ZNF432: variants seen among roughly 807,000 people sequenced by gnomAD.
The protein encoded by ZNF432 is zinc finger protein 432.
A neutral mutation model predicts 13.9 loss-of-function variants in ZNF432; 10 were observed. That is an observed-to-expected ratio of 0.72 (90% CI 0.44 to 1.22). The LOEUF is 1.22. Ranked by LOEUF, ZNF432 falls within the 50% of genes most tolerant of loss-of-function variation. ZNF432 has a pLI of 0.00. For synonymous variants in ZNF432, 247 were observed against 256.2 expected (o/e 0.96, Z 0.34); for missense variants, 793 against 796.2 (o/e 1.00, Z 0.05).
intron 4 of ZNF432, among the ~76,000 whole-genome samples, chr19:52,037,591 G>A (rs931324336): frequency 3.9e-5 from 6 of 152,120 alleles, no homozygotes; most frequent in African/African-American, 1.4e-4. Context: ...GAGCTCTGGA[G>A]TTCCAGACCA....
rs1253616801 is a variant in ZNF432 at position 52,033,857 on chromosome 19, T to C, written c.1822A>G (p.Met608Val). ...TGATGAACAATTAGACGGCTCTTCA[T>C]AGTGAAGCCTTTACCACATTCATTA... is the stretch of plus-strand genomic sequence containing the variant. ...GCNECGKGFT[M>V]KSRLIVHQRT... The change falls in exon 5 of 5, where the codon ATG (methionine) becomes GTG (valine). Residue 608 changes from methionine to valine, a missense_variant. By Grantham distance (21) the Met-to-Val change is conservative. Coordinates refer to ENST00000221315, the MANE Select transcript of ZNF432 (RefSeq NM_014650.4). 1 of 1,614,030 alleles carries C rather than the reference T, an allele frequency of 6.2e-7. No homozygotes were observed. The highest frequency in any genetic ancestry group is 8.5e-7 in the Non-Finnish European group (1 of 1,179,986).
At chr19:52,043,639 T>G (rs1226319914) in intron 2 of ZNF432, among the ~76,000 whole-genome samples, 1 of 152,030 alleles carries the variant, frequency 6.6e-6, no homozygotes, top group Non-Finnish European at 1.5e-5. Flanking sequence ...CTCCTGCCCG[T>G]CCCTGGGCAA....
intron 2 of ZNF432, among the ~76,000 whole-genome samples, chr19:52,044,151 G>A (rs779626501): frequency 6.6e-6 from 1 of 151,944 alleles, no homozygotes; most frequent in Non-Finnish European, 1.5e-5. Context: ...TTAATACACA[G>A]AGAAAAGAAC....
In ZNF432 at chr19:52,044,678, G is replaced by A. The variant is rs1463535322; in HGVS notation, c.15+2176C>T. ...TGCAAAATAAGACAAAAGAATATTGGATCATTGAAAATTGTATAATTTGAT... is the reference window on the plus strand; with the variant it reads ...TGCAAAATAAGACAAAAGAATATTGAATCATTGAAAATTGTATAATTTGAT... On this transcript the variant is annotated intron_variant, in intron 2 of 4. Transcript: ENST00000221315. Among the ~76,000 whole-genome samples the A allele has an allele frequency of 2.0e-5, 3 of 152,172 alleles. No homozygotes were observed. The East Asian group carries it at 5.8e-4, about 29-fold the overall frequency.
Position 52,048,768 on chromosome 19 carries a change from C to T in ZNF432, c.-266G>A, listed in dbSNP as rs3752120. ...CCCTAAACTTCTTCCACTTCTGGGC[C>T]CCTCGCCCAACTCCCTCCCCCTCTA... On this transcript the variant is annotated 5_prime_UTR_variant, in exon 1 of 5. Transcript: ENST00000221315. The T allele has an allele frequency of 0.15, 22,424 of 152,718 alleles. 2,181 individuals are homozygous for T. Among genetic ancestry groups the T allele is most frequent in the East Asian group, 0.38 (1,948 of 5,160 alleles). The allele number at this position is 152,718 out of a possible 1,614,324, so 9.5% of individuals were successfully genotyped here. A position where few individuals can be genotyped will look rare whatever the true frequency, so the allele number is the denominator to read the frequency against.
intron 1 of ZNF432, 44 bp from the exon 2 acceptor site, chr19:52,047,104 G>T: frequency 2.2e-6 from 1 of 449,106 alleles, no homozygotes; most frequent in Non-Finnish European, 4.0e-6. Context: ...ACCTTAACAC[G>T]TGGCCCTGAA....
rs779126125 is a variant in ZNF432 at position 52,034,995 on chromosome 19, T to C, written c.684A>G (p.Thr228=). The C allele has an allele frequency of 3.1e-6, 5 of 1,614,070 alleles. No homozygotes were observed. The highest frequency in any genetic ancestry group is 3.4e-6 in the Non-Finnish European group (4 of 1,179,992). Residue 228 remains threonine (T), a synonymous_variant, in exon 5 of 5, where the codon ACA becomes ACG. Coordinates refer to ENST00000221315, the MANE Select transcript of ZNF432 (RefSeq NM_014650.4). ...SQLTDHERVH[T]GEKPYGCTLC... ...AAGTACATCCATAAGGTTTTTCTCC[T>C]GTATGAACTCTCTCATGATCAGTGA...
In ZNF432 at chr19:52,035,317, CA is replaced by C. The variant is rs2087069017; in HGVS notation, c.361del (p.Cys121ValfsTer14). On this transcript the variant is annotated frameshift_variant, in exon 5 of 5. Coordinates refer to ENST00000221315, the MANE Select transcript of ZNF432 (RefSeq NM_014650.4). LOFTEE classifies it low-confidence loss of function (END_TRUNC). ...GNTASQTKSL[C>X]LFRENHDTFE... is the part of the protein sequence containing the mutation. The stretch of plus-strand genomic sequence containing the variant: ...TGTATCATGATTTTCCCTGAAAAGA[CA>C]AAGGCTTTTGGTTTGAGAGGCAGTA... 2 of 1,612,570 alleles carry C rather than the reference CA, an allele frequency of 1.2e-6. No homozygotes were observed. The highest frequency in any genetic ancestry group is 1.7e-5 in the Admixed American group (1 of 59,712).
intron 4 of ZNF432, among the ~76,000 whole-genome samples, chr19:52,037,065 C>T (rs11673286): frequency 0.15 from 22,436 of 152,142 alleles, 2,188 homozygotes; most frequent in East Asian, 0.38. Flanking sequence ...ATTATTTAAG[C>T]CCTGTTAGAG....
At chr19:52,036,875 T>A (rs1278159406) in intron 4 of ZNF432, among the ~76,000 whole-genome samples, 2 of 152,190 alleles carry the variant, frequency 1.3e-5, no homozygotes, top group Non-Finnish European at 2.9e-5. Context: ...CTTGCCATAT[T>A]GCCCAAGCTG....
chr19:52,035,321 G>A lies in ZNF432; in HGVS notation c.358C>T (p.Leu120Phe), dbSNP rs1184157344. The A allele has an allele frequency of 6.2e-7, 1 of 1,612,586 alleles. No homozygotes were observed. Among genetic ancestry groups the A allele is most frequent in the East Asian group, 2.2e-5 (1 of 44,816 alleles). ...FGNTASQTKS[L>F]CLFRENHDTF... ...TCATGATTTTCCCTGAAAAGACAAA[G>A]GCTTTTGGTTTGAGAGGCAGTATTT... is the stretch of plus-strand genomic sequence containing the variant. The change falls in exon 5 of 5, where the codon CTT becomes TTT. Residue 120 changes from leucine (L) to phenylalanine (F), a missense_variant. Coordinates refer to ENST00000221315, the MANE Select transcript of ZNF432 (RefSeq NM_014650.4).
intron 4 of ZNF432, among the ~76,000 whole-genome samples, chr19:52,037,719 G>C (rs964917192): frequency 1.3e-5 from 2 of 150,854 alleles, no homozygotes; most frequent in African/African-American, 4.9e-5. Context: ...GAGCCCAGGA[G>C]GTTGAGGCTG....
In ZNF432 at chr19:52,034,069, CCAGTAT is replaced by C; in HGVS notation, c.1604_1609del (p.His535_Gly537delinsArg). 4 of 1,614,140 alleles carry C rather than the reference CCAGTAT, an allele frequency of 2.5e-6. No homozygotes were observed. In the South Asian group the frequency reaches 4.4e-5, roughly 18 times the overall value. ...TTCACTGCACATAAAGGGTTTCTCTCCAGTATGAGTTCGCTGGTGTACAACAAGATT... is the reference window on the plus strand; with the variant it reads ...TTCACTGCACATAAAGGGTTTCTCTCGAGTTCGCTGGTGTACAACAAGATT... On this transcript the variant is annotated inframe_deletion, in exon 5 of 5. Transcript: ENST00000221315.
Position 52,041,610 on chromosome 19 carries a change from T to G in ZNF432, c.16-4A>C. ...CATCCTCCAGTGTCAGCAATTCCTG[T>G]AAGAAAACAGAGCCTTGCTTAATAG... On this transcript the variant is annotated splice_region_variant and splice_polypyrimidine_tract_variant and intron_variant, in intron 2 of 4. Coordinates refer to ENST00000221315, the MANE Select transcript of ZNF432 (RefSeq NM_014650.4). 2 of 1,614,096 alleles carry G rather than the reference T, an allele frequency of 1.2e-6. No homozygotes were observed. Among genetic ancestry groups the G allele is most frequent in the African/African-American group, 1.3e-5 (1 of 75,028 alleles).
At chr19:52,046,259 C>G (rs2087182060) in intron 2 of ZNF432, among the ~76,000 whole-genome samples, 1 of 152,042 alleles carries the variant, frequency 6.6e-6, no homozygotes. Flanking sequence ...GGAAGCTATG[C>G]ACACCTTCCA....
chr19:52,040,939 CAA>C (rs137978203), intron 3 of ZNF432, among the ~76,000 whole-genome samples: 25 of 124,946 alleles, frequency 2.0e-4, no homozygotes, highest in Middle Eastern at 4.1e-3. Context: ...TCCATCTCTA[CAA>C]AAAAAAAAAA....
rs1407845558 is a variant in ZNF432 at position 52,034,961 on chromosome 19, T to C, written c.718A>G (p.Lys240Glu). 2.5e-6 allele frequency: 4 copies of C among 1,613,020 alleles called. No individual in the cohort carries two copies. The highest frequency in any genetic ancestry group is 1.7e-6 in the Non-Finnish European group (2 of 1,179,638). The change falls in exon 5 of 5, where the codon AAA (lysine) becomes GAA (glutamate). Residue 240 changes from lysine to glutamate, a missense_variant. By Grantham distance (56) the Lys-to-Glu change is moderately conservative (BLOSUM62 1). Coordinates refer to ENST00000221315, the MANE Select transcript of ZNF432 (RefSeq NM_014650.4). ...EKPYGCTLCAKVFSRKSRLNE... is the reference protein window; with the variant it reads ...EKPYGCTLCAEVFSRKSRLNE... Reference sequence around the variant, plus strand: ...AGCCTGGACTTTCTGGAGAACACTTTTGCACACAAAGTACATCCATAAGGT... The same window carrying C: ...AGCCTGGACTTTCTGGAGAACACTTCTGCACACAAAGTACATCCATAAGGT...
At chr19:52,041,377 TCTAATATTCAGAG>T in intron 3 of ZNF432, 90 bp downstream of exon 3, 1 of 1,408,920 alleles carries the variant, frequency 7.1e-7, no homozygotes, top group Non-Finnish European at 9.4e-7. Flanking sequence ...GTGCCAAAAA[TCTAATATTCAGAG>T]CACTGCAGTA....
rs2087030616 is a variant in ZNF432, at chr19:52,033,018, C to CT, written c.*701dup. The CT allele has an allele frequency of 6.6e-6, 1 of 152,168 alleles. No homozygotes were observed. The highest frequency in any genetic ancestry group is 2.4e-5 in the African/African-American group (1 of 41,424). 9.4% of individuals were successfully genotyped at this position (152,168 alleles called of 1,614,324 possible). A position where few individuals can be genotyped will look rare whatever the true frequency, so the allele number is the denominator to read the frequency against. On this transcript the variant is annotated 3_prime_UTR_variant, in exon 5 of 5. Coordinates refer to ENST00000221315, the MANE Select transcript of ZNF432 (RefSeq NM_014650.4). ...ATTATGATCACTGAAGAGATAGGGT[C>CT]TTTCTTCCCATAGAAGGCTTTCCTA...
Sources: gnomAD v4.1 joint callset for allele counts (sites outside exome capture counted in the v4.1 genomes callset) on GRCh38, gnomAD v4.1.1 for gene constraint, MANE v1.5 for transcripts, NCBI Gene and HGNC (gene_info 2026-07-23, HGNC 2026-07-21) for gene names.